The following NRDE2 variants were observed in gnomAD, a reference collection of about 807,000 sequenced individuals.
NRDE2 encodes nuclear exosome regulator NRDE2.
NRDE2 carries 76 observed loss-of-function variants against 124.2 expected under a neutral mutation model. The observed-to-expected ratio is 0.61, with a 90% CI of 0.51 to 0.74. The LOEUF (loss-of-function observed/expected upper bound fraction) is 0.74, where lower values mean the gene tolerates loss of function less well. NRDE2 is among the 30% of genes least tolerant of loss of function. NRDE2 has a pLI of 0.00. For synonymous variants in NRDE2, 489 were observed against 528.1 expected (o/e 0.93, Z 1.01); for missense variants, 1,314 against 1,417.3 (o/e 0.93, Z 1.17).
Position 90,277,297 on chromosome 14 carries a change from T to C in NRDE2, c.*1039A>G, listed in dbSNP as rs1891825722. The C allele has an allele frequency of 6.6e-6, 1 of 152,142 alleles. No individual in the cohort carries two copies. The highest frequency in any genetic ancestry group is 1.5e-5 in the Non-Finnish European group (1 of 68,056). 9.4% of individuals were successfully genotyped at this position (152,142 alleles called of 1,614,324 possible). On this transcript the variant is annotated 3_prime_UTR_variant, in exon 14 of 14. Coordinates refer to ENST00000354366, the MANE Select transcript of NRDE2 (RefSeq NM_017970.4). ...AATTATACACTGGCTTTTCTAAATG[T>C]GCTGAGGAGATACAAGTATACAGCA...
intron 8 of NRDE2, among the ~76,000 whole-genome samples, chr14:90,297,261 T>A (rs1884206107): frequency 6.6e-6 from 1 of 151,968 alleles, no homozygotes; most frequent in African/African-American, 2.4e-5. Flanking sequence ...TAGTTAATAA[T>A]TTTTTTTCTT....
rs1008528090 is a variant in NRDE2 at position 90,300,594 on chromosome 14, T to C, written c.1545+645A>G. The stretch of plus-strand genomic sequence containing the variant: ...TTATTTCTTCACTTATCTTCATTTA[T>C]CTCAAACATTGGCAATGCTCGCTTG... On this transcript the variant is annotated intron_variant, in intron 7 of 13. Coordinates refer to ENST00000354366, the MANE Select transcript of NRDE2 (RefSeq NM_017970.4). 3.3e-5 allele frequency among the ~76,000 whole-genome samples: 5 copies of C among 151,526 alleles called. No homozygotes were observed. In the East Asian group the frequency reaches 1.0e-3, roughly 30 times the overall value.
chr14:90,315,286 G>A lies in NRDE2; in HGVS notation c.407+1292C>T, dbSNP rs1442887620. On this transcript the variant is annotated intron_variant, in intron 3 of 13. Transcript: ENST00000354366. ...CTTGGGAGGCTGAGGCATGAGAATC[G>A]CTTGAACCCGGGAGGCGGAGGTTGC... Among the ~76,000 whole-genome samples the A allele has an allele frequency of 2.0e-5, 3 of 149,854 alleles. No homozygotes were observed. The Admixed American group carries it at 2.0e-4, about 10-fold the overall frequency.
rs776078489 is a variant in NRDE2 at position 90,303,086 on chromosome 14, C to T, written c.1045G>A (p.Glu349Lys). 1 of 1,613,998 alleles carries T rather than the reference C, an allele frequency of 6.2e-7. No individual in the cohort carries two copies. The change falls in exon 6 of 14, where the codon GAA becomes AAA. Residue 349 changes from glutamate (E) to lysine (K), a missense_variant. By Grantham distance (56) the Glu-to-Lys change is moderately conservative. Transcript: ENST00000354366. ...MKSPGLYAIE[E>K]GEQEKRKRSL... Reference sequence around the variant, plus strand: ...CTCTTTCGCTTTTCCTGCTCTCCTTCCTCGATGGCATACAGGCCAGGACTT... The same window carrying T: ...CTCTTTCGCTTTTCCTGCTCTCCTTTCTCGATGGCATACAGGCCAGGACTT...
Position 90,271,491 on chromosome 14 carries a change from T to C in NRDE2, c.*6845A>G, listed in dbSNP as rs2139653138. 6.6e-6 allele frequency: 1 copy of C among 152,352 alleles called. No homozygotes were observed. Among genetic ancestry groups the C allele is most frequent in the South Asian group, 2.1e-4 (1 of 4,832 alleles). 9.4% of individuals were successfully genotyped at this position (152,352 alleles called of 1,614,324 possible). A position where few individuals can be genotyped will look rare whatever the true frequency, so the allele number is the denominator to read the frequency against. On this transcript the variant is annotated 3_prime_UTR_variant, in exon 14 of 14. Coordinates refer to ENST00000354366, the MANE Select transcript of NRDE2 (RefSeq NM_017970.4). The stretch of plus-strand genomic sequence containing the variant: ...TACTGAGAAATTAAATATATTGGAA[T>C]AAATGCTATACTCTGTAGTATTATT...
At position 90,294,981 on chromosome 14, in the gene NRDE2, T is replaced by C. The variant is rs185287679; in HGVS notation, c.1667-2109A>G. Among the ~76,000 whole-genome samples the C allele has an allele frequency of 5.2e-3, 791 of 152,280 alleles. 8 individuals are homozygous for C. Among genetic ancestry groups the C allele is most frequent in the African/African-American group, 0.018 (754 of 41,550 alleles). ...GGCAGACGTGGCTAAGAAAGGATACTGTGAGGGAGCCCTGCAGTGATGAAA... is the reference window on the plus strand; with the variant it reads ...GGCAGACGTGGCTAAGAAAGGATACCGTGAGGGAGCCCTGCAGTGATGAAA... On this transcript the variant is annotated intron_variant, in intron 8 of 13. Coordinates refer to ENST00000354366, the MANE Select transcript of NRDE2 (RefSeq NM_017970.4).
intron 4 of NRDE2, among the ~76,000 whole-genome samples, chr14:90,306,213 T>C (rs1595068877): frequency 6.6e-6 from 1 of 152,184 alleles, no homozygotes; most frequent in Non-Finnish European, 1.5e-5. Context: ...ACTGCCTTCA[T>C]CTTCTGTCAG....
chr14:90,322,925 T>G (rs1366303360), intron 1 of NRDE2, among the ~76,000 whole-genome samples: 8 of 152,200 alleles, frequency 5.3e-5, no homozygotes, highest in African/African-American at 1.9e-4. Flanking sequence ...CTAAGCAAGA[T>G]GTAACATTTA....
chr14:90,288,175 T>C, intron 11 of NRDE2, 42 bp downstream of exon 11: 1 of 1,561,860 alleles, frequency 6.4e-7, no homozygotes, highest in Non-Finnish European at 8.7e-7. Flanking sequence ...AAGCATTCCA[T>C]AAACATTTGC....
intron 7 of NRDE2, 25 bp from the exon 8 acceptor site, chr14:90,298,405 T>C: frequency 6.2e-7 from 1 of 1,613,468 alleles, no homozygotes; most frequent in Non-Finnish European, 8.5e-7. Context: ...GAATGGACGT[T>C]AGACCTCACT....
intron 10 of NRDE2, among the ~76,000 whole-genome samples, chr14:90,289,859 A>G (rs1471633158): frequency 6.6e-6 from 1 of 152,240 alleles, no homozygotes; most frequent in Non-Finnish European, 1.5e-5. Flanking sequence ...AAGTGCTGGG[A>G]TTACAGGCGT....
Position 90,290,916 on chromosome 14 carries a change from G to C in NRDE2, c.1843-309C>G, listed in dbSNP as rs545593119. 5.9e-5 allele frequency among the ~76,000 whole-genome samples: 9 copies of C among 152,328 alleles called. No homozygotes were observed. The South Asian group carries it at 1.9e-3, about 32-fold the overall frequency. On this transcript the variant is annotated intron_variant, in intron 9 of 13. Coordinates refer to ENST00000354366, the MANE Select transcript of NRDE2 (RefSeq NM_017970.4). Reference sequence around the variant, plus strand: ...TTCAAAGTATCCTGATGGATTTGTAGAAAATCTAGAAACATGTTCACTTCT... The same window carrying C: ...TTCAAAGTATCCTGATGGATTTGTACAAAATCTAGAAACATGTTCACTTCT...
chr14:90,321,781 G>C (rs1302401809), intron 1 of NRDE2, among the ~76,000 whole-genome samples: 1 of 152,182 alleles, frequency 6.6e-6, no homozygotes, highest in Non-Finnish European at 1.5e-5. Flanking sequence ...GGCTTGGAAA[G>C]ATTTTGGAAG....
chr14:90,303,882 C>A, intron 5 of NRDE2, 53 bp downstream of exon 5: 1 of 1,512,452 alleles, frequency 6.6e-7, no homozygotes, highest in Admixed American at 2.1e-5. Context: ...ATCAGTTTGC[C>A]CAAAATCAGG....
chr14:90,331,922 C>T lies in NRDE2; in HGVS notation c.-18G>A. The T allele has an allele frequency of 6.2e-7, 1 of 1,614,052 alleles. No homozygotes were observed. Among genetic ancestry groups the T allele is most frequent in the Non-Finnish European group, 8.5e-7 (1 of 1,180,028 alleles). On this transcript the variant is annotated 5_prime_UTR_variant, in exon 1 of 14. Coordinates refer to ENST00000354366, the MANE Select transcript of NRDE2 (RefSeq NM_017970.4). ...AGCGCCATGACCACAGGCCGTACCT[C>T]CGTTCTTCTCTATAGGGATGGCGCC...
At chr14:90,315,949 C>T (rs1265525209) in intron 3 of NRDE2, among the ~76,000 whole-genome samples, 1 of 122,738 alleles carries the variant, frequency 8.1e-6, no homozygotes, top group East Asian at 2.2e-4. Context: ...TGGAGTGAAA[C>T]CCCGTCTCAA....
intron 8 of NRDE2, among the ~76,000 whole-genome samples, chr14:90,296,413 A>G (rs1181977233): frequency 6.6e-6 from 1 of 152,150 alleles, no homozygotes; most frequent in Non-Finnish European, 1.5e-5. Context: ...AGGGAAATCT[A>G]AACAGCTGAG....
At position 90,273,365 on chromosome 14, in the gene NRDE2, C is replaced by G. The variant is rs1269622520; in HGVS notation, c.*4971G>C. 5 of 150,686 alleles carry G rather than the reference C, an allele frequency of 3.3e-5. No homozygotes were observed. The highest frequency in any genetic ancestry group is 1.2e-4 in the African/African-American group (5 of 41,300). 9.3% of individuals were successfully genotyped at this position (150,686 alleles called of 1,614,324 possible). ...ACAAGGTCAGAAGTTTGAGGCCAGC[C>G]TGGCCAACATGGTGAAACCCCATCT... On this transcript the variant is annotated 3_prime_UTR_variant, in exon 14 of 14. Transcript: ENST00000354366.
Position 90,298,606 on chromosome 14 carries a change from T to C in NRDE2, c.1546-226A>G, listed in dbSNP as rs915833949. On this transcript the variant is annotated intron_variant, in intron 7 of 13. Transcript: ENST00000354366. ...CCCCCATGACCCTACCTCTGCCTTG[T>C]GGTTTTCACACTCGCATGTGAGCTG... 3.9e-5 allele frequency among the ~76,000 whole-genome samples: 6 copies of C among 152,290 alleles called. No homozygotes were observed. The South Asian group carries it at 1.0e-3, about 26-fold the overall frequency.
Sources: allele counts gnomAD v4.1 joint callset (sites outside exome capture counted in the v4.1 genomes callset), GRCh38; gene constraint gnomAD v4.1.1; transcripts MANE v1.5; gene names NCBI Gene and HGNC (gene_info 2026-07-23, HGNC 2026-07-21).